KANK1: variants seen among roughly 807,000 people sequenced by gnomAD.
KANK1 encodes KN motif and ankyrin repeat domains 1.
KANK1 carries 109 observed loss-of-function variants against 106.2 expected under a neutral mutation model. The ratio of observed to expected loss-of-function variants is 1.03; its 90% confidence interval spans 0.88 to 1.20. The LOEUF (loss-of-function observed/expected upper bound fraction) is 1.20, where lower values mean the gene tolerates loss of function less well. KANK1 is among the 50% of genes most tolerant of loss of function. The pLI is 0.00. For missense variants in KANK1, 2,399 were observed against 1,710.7 expected (o/e 1.40, Z -7.10); for synonymous variants, 873 against 652.2 (o/e 1.34, Z -5.16).
chr9:585,861 A>G (rs970346925), intron 1 of KANK1, among the ~76,000 whole-genome samples: 2 of 152,212 alleles, frequency 1.3e-5, no homozygotes. Context: ...TTTATTGGAA[A>G]TTAAAGGAAG....
At chr9:606,647 A>G (rs1031350852) in intron 1 of KANK1, among the ~76,000 whole-genome samples, 8 of 137,882 alleles carry the variant, frequency 5.8e-5, no homozygotes, top group Non-Finnish European at 1.2e-4. Flanking sequence ...TATTACATAT[A>G]TATATATGTT....
At chr9:622,731 A>T (rs561367339) in intron 1 of KANK1, among the ~76,000 whole-genome samples, 1 of 151,932 alleles carries the variant, frequency 6.6e-6, no homozygotes, top group East Asian at 1.9e-4. Flanking sequence ...GTGAAACCCC[A>T]TCTTTACTAA....
chr9:645,210 G>C (rs1482450297), intron 1 of KANK1, among the ~76,000 whole-genome samples: 1 of 149,762 alleles, frequency 6.7e-6, no homozygotes, highest in Non-Finnish European at 1.5e-5. Flanking sequence ...GGAAGCTGAG[G>C]TGGGCAGATC....
At chr9:558,995 G>T (rs574047967) in intron 1 of KANK1, 8 of 152,332 alleles carry the variant, frequency 5.3e-5, no homozygotes, top group African/African-American at 1.9e-4. Context: ...TAGTCTTGGG[G>T]TTATAAATAA....
chr9:523,713 G>C (rs977693506), intron 1 of KANK1, among the ~76,000 whole-genome samples: 1 of 151,596 alleles, frequency 6.6e-6, no homozygotes, highest in African/African-American at 2.4e-5. Flanking sequence ...CCTCACCTCA[G>C]TGAGGTCCTT....
At chr9:692,410 G>A (rs1024533310) in intron 2 of KANK1, among the ~76,000 whole-genome samples, 3 of 151,524 alleles carry the variant, frequency 2.0e-5, no homozygotes, top group Non-Finnish European at 4.4e-5. Context: ...AAAGTTTCAA[G>A]TGCCAGGTAT....
At chr9:663,729 C>T (rs1843907927) in intron 1 of KANK1, among the ~76,000 whole-genome samples, 1 of 152,112 alleles carries the variant, frequency 6.6e-6, no homozygotes, top group Admixed American at 6.5e-5. Flanking sequence ...GTCTCAGACC[C>T]AGCTGGAGCA....
chr9:573,099 T>C (rs1819626642), intron 1 of KANK1, among the ~76,000 whole-genome samples: 1 of 152,168 alleles, frequency 6.6e-6, no homozygotes, highest in Admixed American at 6.5e-5. Context: ...TTCATGATGC[T>C]GATATGCTGC....
chr9:605,959 C>T (rs1177935429), intron 1 of KANK1, among the ~76,000 whole-genome samples: 1 of 151,708 alleles, frequency 6.6e-6, no homozygotes, highest in Non-Finnish European at 1.5e-5. Flanking sequence ...TTCTGACTCC[C>T]TTCCCATTAG....
At chr9:722,621 G>A (rs1337133222) in intron 3 of KANK1, among the ~76,000 whole-genome samples, 2 of 152,116 alleles carry the variant, frequency 1.3e-5, no homozygotes, top group South Asian at 2.1e-4. Context: ...TTGTTTATAG[G>A]CCACTCAAGA....
intron 3 of KANK1, among the ~76,000 whole-genome samples, chr9:498,944 G>A (rs995984769): frequency 1.3e-5 from 2 of 152,144 alleles, no homozygotes; most frequent in African/African-American, 4.8e-5. Flanking sequence ...TTGGGAGGCC[G>A]AGGAGGGTGG....
intron 1 of KANK1, among the ~76,000 whole-genome samples, chr9:577,978 C>G (rs1021534737): frequency 9.2e-5 from 14 of 152,140 alleles, no homozygotes; most frequent in Admixed American, 7.2e-4. Context: ...GTGCACACAT[C>G]ATTCCCTCAC....
chr9:725,414 A>T (rs2131500087), intron 3 of KANK1, among the ~76,000 whole-genome samples: 1 of 147,632 alleles, frequency 6.8e-6, no homozygotes, highest in East Asian at 2.0e-4. Flanking sequence ...AATCGCTTGA[A>T]CCCGGGAGGC....
chr9:527,405 G>GA (rs1448556879), intron 1 of KANK1, among the ~76,000 whole-genome samples: 2 of 121,430 alleles, frequency 1.6e-5, no homozygotes, highest in African/African-American at 8.3e-5. Flanking sequence ...AGTTTGAAGT[G>GA]ATTCTCCTTC....
At chr9:512,672 C>T (rs1197993945) in intron 1 of KANK1, among the ~76,000 whole-genome samples, 1 of 152,048 alleles carries the variant, frequency 6.6e-6, no homozygotes, top group Non-Finnish European at 1.5e-5. Context: ...TTGGTTGTAG[C>T]ACAAAACTTG....
At chr9:501,637 C>G (rs543573444), upstream of KANK1, among the ~76,000 whole-genome samples, 11 of 151,514 alleles carry the variant, frequency 7.3e-5, no homozygotes, top group South Asian at 2.3e-3. Context: ...CACACACACA[C>G]ACACCCCAAT....
chr9:712,751 T>C lies in KANK1; in HGVS notation c.1985T>C (p.Val662Ala). 1 of 1,613,802 alleles carries C rather than the reference T, an allele frequency of 6.2e-7. No individual in the cohort carries two copies. Among genetic ancestry groups the C allele is most frequent in the Non-Finnish European group, 8.5e-7 (1 of 1,179,900 alleles). The part of the protein sequence containing the change: ...TEAVSQVEAA[V>A]MAVPRTADQD... Reference sequence around the variant, plus strand: ...GCTGTTAGCCAGGTGGAAGCTGCCGTCATGGCAGTGCCTCGTACTGCAGAC... The same window carrying C: ...GCTGTTAGCCAGGTGGAAGCTGCCGCCATGGCAGTGCCTCGTACTGCAGAC... The change falls in exon 3 of 12, where the codon GTC becomes GCC. Residue 662 changes from valine to alanine, a missense_variant. By Grantham distance (64) the Val-to-Ala change is moderately conservative. Coordinates refer to ENST00000382297, the MANE Select transcript of KANK1 (RefSeq NM_015158.5).
chr9:611,014 C>T (rs1471273755), intron 1 of KANK1, among the ~76,000 whole-genome samples: 1 of 152,164 alleles, frequency 6.6e-6, no homozygotes, highest in East Asian at 1.9e-4. Context: ...CAGAAGGCAT[C>T]TTCTGTATCC....
intron 2 of KANK1, among the ~76,000 whole-genome samples, chr9:694,917 C>T (rs1384321408): frequency 1.3e-5 from 2 of 152,030 alleles, no homozygotes; most frequent in East Asian, 1.9e-4. Flanking sequence ...TGACACCTGC[C>T]GTGATTCATT....
Sources: allele counts gnomAD v4.1 joint callset (sites outside exome capture counted in the v4.1 genomes callset), GRCh38; gene constraint gnomAD v4.1.1; transcripts MANE v1.5; gene names NCBI Gene and HGNC (gene_info 2026-07-23, HGNC 2026-07-21).